The following PRIM2 variants were observed in gnomAD, a reference collection of about 807,000 sequenced individuals.
The protein encoded by PRIM2 is DNA primase large subunit.
In PRIM2, 39 loss-of-function variants were observed where a neutral mutation model predicts 67.3. The observed-to-expected ratio is 0.58, with a 90% confidence interval of 0.45 to 0.76. PRIM2 has a LOEUF of 0.76. Among genes scored for constraint, PRIM2 ranks in the 30% least tolerant of loss-of-function variants. The pLI is 0.00. For missense variants in PRIM2, 398 were observed against 598.7 expected (o/e 0.66, Z 3.50); for synonymous variants, 143 against 198.7 (o/e 0.72, Z 2.36).
At chr6:57,307,279 A>G in the PRIM2 span, among the ~76,000 whole-genome samples, 1 of 149,604 alleles carries the variant, frequency 6.7e-6, no homozygotes, top group Non-Finnish European at 1.5e-5. Flanking sequence ...TTGGAGACGG[A>G]GTCTTGCTCT....
At chr6:57,507,180 C>G (rs1188924812) in intron 7 of PRIM2, among the ~76,000 whole-genome samples, 1 of 152,116 alleles carries the variant, frequency 6.6e-6, no homozygotes, top group Non-Finnish European at 1.5e-5. Flanking sequence ...GTGACATACC[C>G]TATGTCCTTA....
intron 10 of PRIM2, among the ~76,000 whole-genome samples, chr6:57,539,646 G>A (rs1293111366): frequency 1.3e-5 from 1 of 75,694 alleles, no homozygotes; most frequent in African/African-American, 6.2e-5. Flanking sequence ...GTGTGTGTGT[G>A]TGTGTGTGTG....
At chr6:57,347,755 A>G (rs558188731) in intron 5 of PRIM2, among the ~76,000 whole-genome samples, 71 of 152,252 alleles carry the variant, frequency 4.7e-4, no homozygotes, top group African/African-American at 1.7e-3. Context: ...GGTTTATGTA[A>G]TTTAATCCTC....
chr6:57,358,412 A>G (rs945199984), intron 5 of PRIM2, among the ~76,000 whole-genome samples: 14 of 152,218 alleles, frequency 9.2e-5, no homozygotes, highest in African/African-American at 3.4e-4. Flanking sequence ...GAGATTTCCC[A>G]GATTCAGTGT....
intron 13 of PRIM2, among the ~76,000 whole-genome samples, chr6:57,637,561 A>C (rs1777143162): frequency 6.6e-6 from 1 of 152,226 alleles, no homozygotes; most frequent in Non-Finnish European, 1.5e-5. Context: ...GAGAACATAA[A>C]TGACCTGATG....
chr6:57,373,105 C>T (rs1486000971), intron 5 of PRIM2, among the ~76,000 whole-genome samples: 1 of 152,138 alleles, frequency 6.6e-6, no homozygotes, highest in East Asian at 1.9e-4. Flanking sequence ...CCTTTTTCTC[C>T]ACAACCTTGC....
At chr6:57,308,076 A>G in the PRIM2 span, among the ~76,000 whole-genome samples, 1 of 152,336 alleles carries the variant, frequency 6.6e-6, no homozygotes, top group Admixed American at 6.5e-5. Context: ...TTCACTTAAA[A>G]AATTCCATTG....
the PRIM2 span, among the ~76,000 whole-genome samples, chr6:57,293,011 C>G: frequency 2.0e-5 from 3 of 152,156 alleles, no homozygotes; most frequent in African/African-American, 7.2e-5. Context: ...AACTAAAGAG[C>G]TTCTGCACAG....
chr6:57,357,920 G>C (rs1457949507), intron 5 of PRIM2, among the ~76,000 whole-genome samples: 1 of 152,036 alleles, frequency 6.6e-6, no homozygotes, highest in Non-Finnish European at 1.5e-5. Context: ...TTGTACTTGA[G>C]GGTTATCACC....
At chr6:57,364,531 T>C (rs1056201616) in intron 5 of PRIM2, among the ~76,000 whole-genome samples, 2 of 152,182 alleles carry the variant, frequency 1.3e-5, no homozygotes, top group African/African-American at 4.8e-5. Flanking sequence ...CCTACCTTTT[T>C]CTTTTCCTGC....
the PRIM2 span, among the ~76,000 whole-genome samples, chr6:57,240,526 C>T: frequency 6.6e-6 from 1 of 151,958 alleles, no homozygotes; most frequent in African/African-American, 2.4e-5. Context: ...TGAAAGAGTA[C>T]ACAAAGAAAG....
At chr6:57,356,363 A>G (rs1581823159) in intron 5 of PRIM2, among the ~76,000 whole-genome samples, 2 of 152,208 alleles carry the variant, frequency 1.3e-5, no homozygotes, top group East Asian at 3.9e-4. Context: ...TACACAACAA[A>G]TATTAACTAT....
chr6:57,645,363 A>ACAT (rs1777317284), intron 13 of PRIM2, among the ~76,000 whole-genome samples: 1 of 123,760 alleles, frequency 8.1e-6, no homozygotes, highest in African/African-American at 3.0e-5. Context: ...ACACACACAC[A>ACAT]CACACACATT....
chr6:57,228,627 A>G, the PRIM2 span, among the ~76,000 whole-genome samples: 304 of 152,326 alleles, frequency 2.0e-3, 1 homozygote, highest in African/African-American at 7.0e-3. Flanking sequence ...GGCCCCAGGT[A>G]GACAGGAGCT....
chr6:57,382,442 C>A, intron 7 of PRIM2: 1 of 272,236 alleles, frequency 3.7e-6, no homozygotes, highest in Non-Finnish European at 6.9e-6. Flanking sequence ...TCTTCATGGT[C>A]ATGTCTTTTT....
chr6:57,320,394 A>AT (rs1333342257), intron 2 of PRIM2, 63 bp from the exon 3 acceptor site: 4 of 1,175,034 alleles, frequency 3.4e-6, no homozygotes, highest in African/African-American at 3.1e-5. Context: ...CCCTCCATAG[A>AT]TTTTGTCTTG....
At chr6:57,611,272 A>G (rs1776661226) in intron 12 of PRIM2, among the ~76,000 whole-genome samples, 2 of 152,226 alleles carry the variant, frequency 1.3e-5, no homozygotes, top group African/African-American at 2.4e-5. Context: ...CTAATACCAT[A>G]TACAGCAGTA....
intron 10 of PRIM2, among the ~76,000 whole-genome samples, chr6:57,600,222 T>C (rs1776437498): frequency 2.0e-5 from 3 of 152,182 alleles, no homozygotes; most frequent in Non-Finnish European, 1.5e-5. Context: ...CCCTTCTGTC[T>C]CATTAGCTTG....
intron 8 of PRIM2, among the ~76,000 whole-genome samples, chr6:57,526,232 C>T (rs1224511637): frequency 1.3e-5 from 2 of 152,086 alleles, no homozygotes; most frequent in Non-Finnish European, 2.9e-5. Context: ...ATTCACTGAA[C>T]CACATCTTTA....
Sources: gnomAD v4.1 joint callset for allele counts (sites outside exome capture counted in the v4.1 genomes callset) on GRCh38, gnomAD v4.1.1 for gene constraint, MANE v1.5 for transcripts, NCBI Gene and HGNC (gene_info 2026-07-23, HGNC 2026-07-21) for gene names.